The following RNF145 variants were observed in gnomAD, a reference collection of about 807,000 sequenced individuals.
RNF145 encodes ring finger protein 145.
Under a neutral mutation model 57.3 loss-of-function variants are expected in RNF145, and 12 were observed. That is an observed-to-expected ratio of 0.21 (90% confidence interval 0.13 to 0.34). RNF145 has a LOEUF of 0.34. RNF145 is among the 10% of genes least tolerant of loss of function. The pLI is 1.00. For synonymous variants in RNF145, 262 were observed against 288.3 expected (o/e 0.91, Z 0.92); for missense variants, 429 against 799.0 (o/e 0.54, Z 5.58).
intron 1 of RNF145, chr5:159,207,364 T>C (rs2113259151): frequency 1.4e-6 from 1 of 707,686 alleles, no homozygotes; most frequent in East Asian, 2.8e-5. Flanking sequence ...TAAACTTTTT[T>C]TTAAAAAGAC....
chr5:159,161,671 T>A, intron 9 of RNF145, 49 bp from the exon 10 acceptor site: 1 of 1,077,296 alleles, frequency 9.3e-7, no homozygotes, highest in Non-Finnish European at 1.4e-6. Context: ...ATCACTAAGA[T>A]ACTTTTTTCA....
rs554948642 is a variant in RNF145, at chr5:159,186,090, G to A, written c.294-4039C>T. On this transcript the variant is annotated intron_variant, in intron 3 of 10. Transcript: ENST00000424310. ...CAAAAAATACAACAATTAGCCAGGCGTGGTAATGCCTATAGTCCCGGCTAC... is the reference window on the plus strand; with the variant it reads ...CAAAAAATACAACAATTAGCCAGGCATGGTAATGCCTATAGTCCCGGCTAC... Among the ~76,000 whole-genome samples the A allele has an allele frequency of 4.9e-4, 75 of 152,220 alleles. 2 individuals carry two copies. Among genetic ancestry groups the A allele is most frequent in the South Asian group, 1.4e-3 (7 of 4,828 alleles).
chr5:159,209,879 A>G (rs1254180980), upstream of RNF145: 1 of 1,536,008 alleles, frequency 6.5e-7, no homozygotes, highest in Non-Finnish European at 8.7e-7. Flanking sequence ...GGAGAATTTG[A>G]AGGGCTGATC....
intron 3 of RNF145, among the ~76,000 whole-genome samples, chr5:159,191,680 T>C (rs1785294778): frequency 6.6e-6 from 1 of 152,024 alleles, no homozygotes; most frequent in East Asian, 1.9e-4. Flanking sequence ...TAGTCCCAGC[T>C]ACTCAGGAGG....
intron 4 of RNF145, among the ~76,000 whole-genome samples, chr5:159,178,823 T>C (rs1275190013): frequency 1.3e-5 from 2 of 152,018 alleles, no homozygotes; most frequent in Non-Finnish European, 2.9e-5. Context: ...AAAATTCAAT[T>C]TGTGTTAGAA....
In RNF145 at chr5:159,173,447, T is replaced by C. The variant is rs185746640; in HGVS notation, c.797+536A>G. ...AGTCAACAGGGACAAAGGCAAAGTA[T>C]AGAGAGTAAGTCACAGGCTTCGAAC... On this transcript the variant is annotated intron_variant, in intron 6 of 10. Transcript: ENST00000424310. Among the ~76,000 whole-genome samples, 51 of 152,264 alleles carry C rather than the reference T, an allele frequency of 3.3e-4. No individual in the cohort carries two copies. In the Middle Eastern group the frequency reaches 0.017, roughly 51 times the overall value.
intron 1 of RNF145, among the ~76,000 whole-genome samples, chr5:159,208,578 C>T (rs1785986167): frequency 6.6e-6 from 1 of 152,042 alleles, no homozygotes; most frequent in Non-Finnish European, 1.5e-5. Context: ...AGCAATGGGC[C>T]CCCCTCGAAA....
intron 6 of RNF145, among the ~76,000 whole-genome samples, chr5:159,171,893 A>C (rs1213912486): frequency 6.6e-6 from 1 of 152,210 alleles, no homozygotes; most frequent in South Asian, 2.1e-4. Flanking sequence ...TCTTATCATG[A>C]AAAAAGGCAA....
At chr5:159,178,271 T>A (rs1442764646) in intron 4 of RNF145, among the ~76,000 whole-genome samples, 2 of 152,016 alleles carry the variant, frequency 1.3e-5, no homozygotes, top group Non-Finnish European at 2.9e-5. Context: ...TTTTTGTACA[T>A]GTTTAGCTGG....
chr5:159,162,575 C>T (rs1053019027), intron 9 of RNF145, among the ~76,000 whole-genome samples: 3 of 151,610 alleles, frequency 2.0e-5, no homozygotes, highest in African/African-American at 7.3e-5. Context: ...GCTGGGACTA[C>T]AGGCGCCCGC....
intron 1 of RNF145, among the ~76,000 whole-genome samples, chr5:159,208,830 G>A (rs1174414754): frequency 6.6e-6 from 1 of 151,914 alleles, no homozygotes; most frequent in East Asian, 1.9e-4. Flanking sequence ...GGATGCTGGG[G>A]AGGCAAAGGG....
Position 159,203,584 on chromosome 5 carries a change from T to G in RNF145, c.34A>C (p.Asn12His). ...AAKEKLEAVL[N>H]VALRVPSIML... ...ATGCTTGGCACCCTCAGGGCCACAT[T>G]TAACACTGCCTCCAGTTTCTCCTTT... Residue 12 changes from asparagine to histidine, a missense_variant, in exon 2 of 11, where the codon AAT (asparagine) becomes CAT (histidine). Transcript: ENST00000424310. The G allele has an allele frequency of 6.2e-7, 1 of 1,614,104 alleles. No homozygotes were observed. The highest frequency in any genetic ancestry group is 8.5e-7 in the Non-Finnish European group (1 of 1,180,002).
At chr5:159,183,470 T>A (rs1031027035) in intron 3 of RNF145, among the ~76,000 whole-genome samples, 1 of 152,062 alleles carries the variant, frequency 6.6e-6, no homozygotes, top group African/African-American at 2.4e-5. Context: ...CAATATTGAG[T>A]AACCCTGTTT....
intron 2 of RNF145, among the ~76,000 whole-genome samples, chr5:159,198,561 A>G (rs960406969): frequency 6.6e-6 from 1 of 152,144 alleles, no homozygotes; most frequent in African/African-American, 2.4e-5. Context: ...TGAAGATCTG[A>G]TGTTTCTAGC....
At chr5:159,182,857 AT>A (rs1784937638) in intron 3 of RNF145, among the ~76,000 whole-genome samples, 3 of 152,124 alleles carry the variant, frequency 2.0e-5, no homozygotes, top group Admixed American at 2.0e-4. Context: ...GTGTAAAAAA[AT>A]TCTTCCCTTT....
At chr5:159,208,717 C>T (rs559486617) in intron 1 of RNF145, among the ~76,000 whole-genome samples, 147 of 151,266 alleles carry the variant, frequency 9.7e-4, no homozygotes, top group Non-Finnish European at 1.5e-3. Flanking sequence ...AGCTTGGAAG[C>T]AAAGTGAACA....
chr5:159,192,039 C>T (rs1285232632), intron 3 of RNF145, among the ~76,000 whole-genome samples: 2 of 148,184 alleles, frequency 1.3e-5, no homozygotes, highest in Admixed American at 6.8e-5. Flanking sequence ...AACCAAGAAT[C>T]GAAAATATTC....
intron 4 of RNF145, among the ~76,000 whole-genome samples, chr5:159,178,147 A>T (rs1784775556): frequency 6.6e-6 from 1 of 151,954 alleles, no homozygotes; most frequent in Admixed American, 6.6e-5. Flanking sequence ...CCCACTCAAG[A>T]TTATACAAAT....
intron 6 of RNF145, among the ~76,000 whole-genome samples, chr5:159,170,566 G>A (rs1280362791): frequency 6.6e-6 from 1 of 152,064 alleles, no homozygotes; most frequent in African/African-American, 2.4e-5. Flanking sequence ...TACTGAGATA[G>A]ATTTAGCATT....
Sources: allele counts gnomAD v4.1 joint callset (sites outside exome capture counted in the v4.1 genomes callset), GRCh38; gene constraint gnomAD v4.1.1; transcripts MANE v1.5; gene names NCBI Gene and HGNC (gene_info 2026-07-23, HGNC 2026-07-21).